The following AP3M1 variants were observed in gnomAD, a reference collection of about 807,000 sequenced individuals.
AP3M1 encodes adaptor related protein complex 3 subunit mu 1, also known as AP-3 complex subunit mu-1.
In AP3M1, 29 loss-of-function variants were observed where a neutral mutation model predicts 42.6. The observed-to-expected ratio is 0.68, with a 90% CI of 0.51 to 0.93. AP3M1 has a LOEUF of 0.93. Ranked by LOEUF, AP3M1 falls within the 40% of genes least tolerant of loss-of-function variation. The probability of loss-of-function intolerance (pLI) is 0.00; values close to 1 mark genes in which losing one functional copy is unlikely to be tolerated. For synonymous variants in AP3M1, 178 were observed against 175.3 expected (o/e 1.02, Z -0.12); for missense variants, 416 against 510.2 (o/e 0.82, Z 1.78).
rs766631303 is a variant in AP3M1, at chr10:74,129,926, T to A, written c.650A>T (p.Asp217Val). The A allele has an allele frequency of 6.2e-7, 1 of 1,613,184 alleles. No homozygotes were observed. The highest frequency in any genetic ancestry group is 8.5e-7 in the Non-Finnish European group (1 of 1,179,388). ...ACTTACCATGAAAGAAAGGGAGAGA[T>A]CAGGCATTCCAGATAGTTTAATGCA... Reference protein sequence around the residue: ...DACIKLSGMPDLSLSFMNPRL... With the variant: ...DACIKLSGMPVLSLSFMNPRL... The change falls in exon 5 of 9, where the codon GAT (aspartate) becomes GTT (valine). Residue 217 changes from aspartate to valine, a missense_variant. Physicochemically the swap from Asp to Val is radical, Grantham distance 152. Coordinates refer to ENST00000355264, the MANE Select transcript of AP3M1 (RefSeq NM_012095.6).
chr10:74,129,031 C>T (rs1467719413), intron 6 of AP3M1, 77 bp downstream of exon 6: 4 of 1,568,202 alleles, frequency 2.6e-6, no homozygotes, highest in South Asian at 1.2e-5. Context: ...AAGTACTCAA[C>T]TTTCAGAAAG....
intron 1 of AP3M1, among the ~76,000 whole-genome samples, chr10:74,150,164 C>G (rs182330241): frequency 2.0e-5 from 3 of 152,258 alleles, no homozygotes; most frequent in East Asian, 3.9e-4. Context: ...GTTTCAAATT[C>G]GATAAAACTC....
intron 1 of AP3M1, among the ~76,000 whole-genome samples, chr10:74,143,399 A>G (rs1161763549): frequency 6.6e-6 from 1 of 152,094 alleles, no homozygotes; most frequent in Non-Finnish European, 1.5e-5. Flanking sequence ...ACAGGTGTGC[A>G]CCACCATGCC....
chr10:74,124,549 CAAAT>C (rs765095526), intron 7 of AP3M1, 25 bp from the exon 8 acceptor site: 1 of 1,555,808 alleles, frequency 6.4e-7, no homozygotes, highest in Non-Finnish European at 8.7e-7. Context: ...AAATGAAAAA[CAAAT>C]AGAACCATTT....
Position 74,120,911 on chromosome 10 carries a change from G to C in AP3M1, c.*2899C>G, listed in dbSNP as rs1335050478. The C allele has an allele frequency of 6.6e-6, 1 of 152,128 alleles. No individual in the cohort carries two copies. The highest frequency in any genetic ancestry group is 1.5e-5 in the Non-Finnish European group (1 of 68,036). The allele number at this position is 152,128 out of a possible 1,614,324, so 9.4% of individuals were successfully genotyped here. ...GCTATAAAACAGAGTTAGCTTTTGG[G>C]GACATAGTCCTCTTCTTCCTTAAAG... is the stretch of plus-strand genomic sequence containing the variant. On this transcript the variant is annotated 3_prime_UTR_variant, in exon 9 of 9. Transcript: ENST00000355264.
intron 4 of AP3M1, 87 bp downstream of exon 4, chr10:74,133,940 A>G (rs1303721909): frequency 6.5e-7 from 1 of 1,533,586 alleles, no homozygotes; most frequent in Non-Finnish European, 8.8e-7. Flanking sequence ...GGCGTGAGCC[A>G]CCGCGCCCGG....
rs554015037 is a variant in AP3M1, at chr10:74,144,207, C to T, written c.-3-5825G>A. ...CGATCTCCGGACCTCATGATCCACC[C>T]GCCTCGGCCTCCCAAAGTGCTGGGA... On this transcript the variant is annotated intron_variant, in intron 1 of 8. Transcript: ENST00000355264. Among the ~76,000 whole-genome samples, 55 of 152,196 alleles carry T rather than the reference C, an allele frequency of 3.6e-4. 1 individual carries two copies. The highest frequency in any genetic ancestry group is 3.4e-3 in the Middle Eastern group (1 of 292).
chr10:74,149,950 A>C (rs999712122), intron 1 of AP3M1, among the ~76,000 whole-genome samples: 2 of 152,194 alleles, frequency 1.3e-5, no homozygotes, highest in African/African-American at 2.4e-5. Context: ...TTCTAATTAT[A>C]AAATCCAACG....
At position 74,126,347 on chromosome 10, in the gene AP3M1, G is replaced by A. The variant is rs1234137935; in HGVS notation, c.812C>T (p.Ala271Val). The change falls in exon 7 of 9, where the codon GCA becomes GTA. Residue 271 changes from alanine to valine, a missense_variant. Physicochemically the swap from Ala to Val is moderately conservative, Grantham distance 64. Transcript: ENST00000355264. ...ACTATGTTTCACATACACTGGTATTGCCACTAGACTAAAAAGAGAAACAGA... is the reference window on the plus strand; with the variant it reads ...ACTATGTTTCACATACACTGGTATTACCACTAGACTAAAAAGAGAAACAGA... ...SYRVSSQNLV[A>V]IPVYVKHSIS... 7 of 1,613,112 alleles carry A rather than the reference G, an allele frequency of 4.3e-6. No individual in the cohort carries two copies. Among genetic ancestry groups the A allele is most frequent in the Non-Finnish European group, 5.9e-6 (7 of 1,179,184 alleles).
At chr10:74,126,436 C>T (rs1840617537) in intron 6 of AP3M1, 81 bp from the exon 7 acceptor site, 2 of 1,160,050 alleles carry the variant, frequency 1.7e-6, no homozygotes, top group Middle Eastern at 2.8e-4. Flanking sequence ...ATCCTGAAAA[C>T]CTCTGTCCAG....
At chr10:74,126,040 G>T (rs546191129) in intron 7 of AP3M1, 108 bp downstream of exon 7, 1 of 1,170,374 alleles carries the variant, frequency 8.5e-7, no homozygotes, top group Non-Finnish European at 1.3e-6. Flanking sequence ...GTTTTGATAC[G>T]AACTTTAGTT....
chr10:74,133,890 T>A (rs1840860965), intron 4 of AP3M1, 137 bp downstream of exon 4: 1 of 986,924 alleles, frequency 1.0e-6, no homozygotes, highest in Admixed American at 2.3e-5. Flanking sequence ...TCTGACCTCA[T>A]GTTCCGCCTG....
chr10:74,149,362 T>G (rs1409094421), intron 1 of AP3M1, among the ~76,000 whole-genome samples: 1 of 133,892 alleles, frequency 7.5e-6, no homozygotes. Flanking sequence ...AGGTCTCAGC[T>G]TACTGCAACT....
At chr10:74,138,560 CAGA>C (rs1291850928) in intron 1 of AP3M1, among the ~76,000 whole-genome samples, 178 bp from the exon 2 acceptor site, 10 of 132,368 alleles carry the variant, frequency 7.6e-5, no homozygotes. Context: ...TCAAAAGGTG[CAGA>C]AATTGCATTT....
intron 3 of AP3M1, among the ~76,000 whole-genome samples, chr10:74,134,609 T>C (rs1262978404): frequency 5.3e-5 from 8 of 152,210 alleles, no homozygotes; most frequent in African/African-American, 1.7e-4. Flanking sequence ...GTGGAGTAAA[T>C]GGAATCTGGC....
chr10:74,140,715 T>C (rs1022378375), intron 1 of AP3M1, among the ~76,000 whole-genome samples: 3 of 151,990 alleles, frequency 2.0e-5, no homozygotes, highest in Admixed American at 1.3e-4. Flanking sequence ...TACAGATCAA[T>C]AGAACATTAA....
intron 1 of AP3M1, among the ~76,000 whole-genome samples, chr10:74,146,889 A>C: frequency 6.6e-6 from 1 of 152,138 alleles, no homozygotes; most frequent in East Asian, 1.9e-4. Flanking sequence ...AGAAAAAAAA[A>C]AAAACAGGGT....
chr10:74,144,591 T>C (rs549900495), intron 1 of AP3M1, among the ~76,000 whole-genome samples: 1 of 152,268 alleles, frequency 6.6e-6, no homozygotes, highest in South Asian at 2.1e-4. Context: ...TTTAATTAAT[T>C]TAAATTTAAA....
Position 74,146,477 on chromosome 10 carries a change from G to C in AP3M1, c.-4+4278C>G, listed in dbSNP as rs369427146. On this transcript the variant is annotated intron_variant, in intron 1 of 8. Transcript: ENST00000355264. ...TGGTGATGGCCTGGTCTAGAGTCTT[G>C]ACTATGAGGATGGGGTACAGTGAAA... Among the ~76,000 whole-genome samples, 36 of 152,270 alleles carry C rather than the reference G, an allele frequency of 2.4e-4. 1 individual carries two copies. The highest frequency in any genetic ancestry group is 6.8e-3 in the Middle Eastern group (2 of 294).
Sources: allele counts gnomAD v4.1 joint callset (sites outside exome capture counted in the v4.1 genomes callset), GRCh38; gene constraint gnomAD v4.1.1; transcripts MANE v1.5; gene names NCBI Gene and HGNC (gene_info 2026-07-23, HGNC 2026-07-21).